The following DSCAM variants were observed in gnomAD, a reference collection of about 807,000 sequenced individuals.
The protein encoded by DSCAM is cell adhesion molecule DSCAM.
In DSCAM, 47 loss-of-function variants were observed where a neutral mutation model predicts 217.7. That is an observed-to-expected ratio of 0.22 (90% confidence interval 0.17 to 0.28). DSCAM has a LOEUF of 0.28. Ranked by LOEUF, DSCAM falls within the 10% of genes least tolerant of loss-of-function variation. The pLI, the probability that DSCAM is intolerant of heterozygous loss-of-function variation, is 1.00. For synonymous variants in DSCAM, 1,056 were observed against 1,015.3 expected, an observed-to-expected ratio of 1.04 and a Z score of -0.76; for missense variants, 2,080 against 2,618.3, an observed-to-expected ratio of 0.79 and a Z score of 4.49.
intron 1 of DSCAM, among the ~76,000 whole-genome samples, chr21:40,754,119 T>A (rs145105595): frequency 6.6e-6 from 1 of 152,320 alleles, no homozygotes; most frequent in African/African-American, 2.4e-5. Flanking sequence ...CAGACTCCGC[T>A]GTGGGGAGCA....
At chr21:40,501,037 C>T (rs2146035873) in intron 3 of DSCAM, among the ~76,000 whole-genome samples, 1 of 152,318 alleles carries the variant, frequency 6.6e-6, no homozygotes, top group South Asian at 2.1e-4. Context: ...TCTATTACTG[C>T]AAATATTACT....
intron 30 of DSCAM, among the ~76,000 whole-genome samples, chr21:40,046,422 AT>A (rs5843995): frequency 6.6e-6 from 1 of 151,664 alleles, no homozygotes; most frequent in Admixed American, 6.6e-5. Context: ...ACTTCATTAG[AT>A]TTTTTTTGTC....
intron 3 of DSCAM, among the ~76,000 whole-genome samples, chr21:40,380,091 T>C (rs1417843416): frequency 6.6e-6 from 1 of 152,228 alleles, no homozygotes; most frequent in African/African-American, 2.4e-5. Context: ...TTCTTTTATG[T>C]AAATAAAATT....
At position 40,093,791 on chromosome 21, in the gene DSCAM, C is replaced by T; in HGVS notation, c.3780G>A (p.Trp1260Ter). Residue 1260 changes from tryptophan to a stop codon, truncating the protein, a stop_gained, in exon 21 of 33, where the codon TGG (tryptophan) becomes TGA (stop). Coordinates refer to ENST00000400454, the MANE Select transcript of DSCAM (RefSeq NM_001389.5). LOFTEE classifies it high-confidence loss of function. ...NLSRNRQYSV[W>*]VVAVTSAGRG... ...TTCCGGCTGAAGTAACAGCCACCAC[C>T]CAGACGCTGTACTGACGATTCCTAC... 1 of 1,614,014 alleles carries T rather than the reference C, an allele frequency of 6.2e-7. No individual in the cohort carries two copies. Among genetic ancestry groups the T allele is most frequent in the Non-Finnish European group, 8.5e-7 (1 of 1,179,996 alleles).
chr21:40,777,636 T>C (rs185168170), intron 1 of DSCAM, among the ~76,000 whole-genome samples: 412 of 152,278 alleles, frequency 2.7e-3, no homozygotes, highest in African/African-American at 9.1e-3. Context: ...TGATGAAGAA[T>C]GTGAAAGAGA....
At chr21:40,720,651 TCACTA>T (rs766192375) in intron 1 of DSCAM, among the ~76,000 whole-genome samples, 9 of 151,676 alleles carry the variant, frequency 5.9e-5, no homozygotes, top group Non-Finnish European at 1.0e-4. Context: ...CTCTATGTCT[TCACTA>T]AAGTTTCAGA....
chr21:40,803,261 A>T (rs2091758052), intron 1 of DSCAM, among the ~76,000 whole-genome samples: 1 of 152,214 alleles, frequency 6.6e-6, no homozygotes, highest in Non-Finnish European at 1.5e-5. Context: ...TTTGCTTTAC[A>T]AATGCAAATG....
chr21:40,321,529 T>C (rs893931963), intron 8 of DSCAM, among the ~76,000 whole-genome samples: 1 of 152,134 alleles, frequency 6.6e-6, no homozygotes, highest in Non-Finnish European at 1.5e-5. Context: ...ATTCTCAACA[T>C]GTCTTTTGTG....
At chr21:40,357,489 C>G (rs1003162756) in intron 4 of DSCAM, among the ~76,000 whole-genome samples, 2 of 152,180 alleles carry the variant, frequency 1.3e-5, no homozygotes, top group Non-Finnish European at 2.9e-5. Flanking sequence ...CAGAAATGGT[C>G]CTGGACATCC....
rs372175757 is a variant in DSCAM at position 40,276,128 on chromosome 21, G to A, written c.2325C>T (p.Asp775=). 52 of 1,606,360 alleles carry A rather than the reference G, an allele frequency of 3.2e-5. No homozygotes were observed. The highest frequency in any genetic ancestry group is 3.9e-5 in the Non-Finnish European group (46 of 1,177,084). Reference sequence around the variant, plus strand: ...CCGTGAGGTACATGGACTTGCTGACGTCTGCGCCCACATCGTTGCTGACCT... The same window carrying A: ...CCGTGAGGTACATGGACTTGCTGACATCTGCGCCCACATCGTTGCTGACCT... ...LCKVSNDVGA[D]VSKSMYLTVK... The change falls in exon 11 of 33, where the codon GAC becomes GAT. Residue 775 remains aspartate, a synonymous_variant. Coordinates refer to ENST00000400454, the MANE Select transcript of DSCAM (RefSeq NM_001389.5).
At chr21:40,493,352 G>T (rs955924764) in intron 3 of DSCAM, among the ~76,000 whole-genome samples, 3 of 152,086 alleles carry the variant, frequency 2.0e-5, no homozygotes, top group Non-Finnish European at 4.4e-5. Flanking sequence ...CAGGCTGAAA[G>T]AACATTAATA....
chr21:40,531,650 G>A (rs1260118366), intron 3 of DSCAM, among the ~76,000 whole-genome samples: 1 of 152,228 alleles, frequency 6.6e-6, no homozygotes, highest in East Asian at 1.9e-4. Context: ...AAGGAGGAGA[G>A]ATGGGCAAAA....
At chr21:40,476,519 A>G (rs2075937580) in intron 3 of DSCAM, among the ~76,000 whole-genome samples, 1 of 152,224 alleles carries the variant, frequency 6.6e-6, no homozygotes, top group Non-Finnish European at 1.5e-5. Flanking sequence ...AATAAGAGGT[A>G]TGTTTAAAAT....
intron 3 of DSCAM, among the ~76,000 whole-genome samples, chr21:40,585,776 T>C (rs1161798595): frequency 6.6e-6 from 1 of 152,134 alleles, no homozygotes; most frequent in African/African-American, 2.4e-5. Flanking sequence ...AAAGAATGAA[T>C]TATTTATCTA....
intron 3 of DSCAM, among the ~76,000 whole-genome samples, chr21:40,601,478 C>A (rs147390622): frequency 4.0e-4 from 61 of 152,212 alleles, no homozygotes; most frequent in African/African-American, 1.4e-3. Flanking sequence ...TTATTTATTT[C>A]TTCTCAATCT....
chr21:40,093,622 T>C, intron 21 of DSCAM, 99 bp downstream of exon 21: 1 of 1,410,012 alleles, frequency 7.1e-7, no homozygotes, highest in African/African-American at 1.4e-5. Context: ...TCTGGTTTAT[T>C]TGATTTTTAG....
chr21:40,474,539 G>A (rs2075917117), intron 3 of DSCAM, among the ~76,000 whole-genome samples: 1 of 152,146 alleles, frequency 6.6e-6, no homozygotes, highest in South Asian at 2.1e-4. Flanking sequence ...TGGAGCAGCA[G>A]CCGCGGGAGC....
chr21:40,616,368 C>T (rs1248325321), intron 3 of DSCAM, among the ~76,000 whole-genome samples: 1 of 152,174 alleles, frequency 6.6e-6, no homozygotes, highest in East Asian at 1.9e-4. Flanking sequence ...GCTGCCCAAG[C>T]TTATCTAGTT....
intron 3 of DSCAM, among the ~76,000 whole-genome samples, chr21:40,662,870 C>T (rs930495781): frequency 2.0e-5 from 3 of 152,108 alleles, no homozygotes; most frequent in African/African-American, 7.2e-5. Flanking sequence ...GTTTCAGCGA[C>T]GCAGTCCATC....
Sources: gnomAD v4.1 joint callset for allele counts (sites outside exome capture counted in the v4.1 genomes callset) on GRCh38, gnomAD v4.1.1 for gene constraint, MANE v1.5 for transcripts, NCBI Gene and HGNC (gene_info 2026-07-23, HGNC 2026-07-21) for gene names.